Variants in NLRP14 observed in about 807,000 individuals in gnomAD.
The protein encoded by NLRP14 is NACHT, LRR and PYD domains-containing protein 14.
A neutral mutation model predicts 94.7 loss-of-function variants in NLRP14; 105 were observed. The observed-to-expected ratio is 1.11, with a 90% CI of 0.95 to 1.30. The LOEUF (loss-of-function observed/expected upper bound fraction) is 1.30, where lower values mean the gene tolerates loss of function less well. Among genes scored for constraint, NLRP14 ranks in the 50% most tolerant of loss-of-function variants. NLRP14 has a pLI of 0.00. For synonymous variants in NLRP14, 508 were observed against 459.9 expected, an observed-to-expected ratio of 1.10 and a Z score of -1.34; for missense variants, 1,362 against 1,254.1, an observed-to-expected ratio of 1.09 and a Z score of -1.30.
chr11:7,089,555 G>T, the NLRP14 span: 1 of 1,199,618 alleles, frequency 8.3e-7, no homozygotes. Context: ...CCAGGGCCCC[G>T]ATGCCCATGA....
At chr11:7,089,657 G>C in the NLRP14 span, 7 of 1,411,696 alleles carry the variant, frequency 5.0e-6, no homozygotes, top group African/African-American at 1.0e-4. Flanking sequence ...GAATGCGCGG[G>C]AGGGCCCTGG....
Position 7,058,527 on chromosome 11 carries a change from A to G in NLRP14, c.2633+77A>G, listed in dbSNP as rs1852557444. On this transcript the variant is annotated intron_variant, in intron 8 of 11. Coordinates refer to ENST00000299481, the MANE Select transcript of NLRP14 (RefSeq NM_176822.4). ...TGTTTAAAATAGTAAAATATTATGA[A>G]CACATTCTGTCCCTTGCTTTTTCCC... 5.4e-6 allele frequency: 6 copies of G among 1,107,982 alleles called. No individual in the cohort carries two copies. The East Asian group carries it at 1.3e-4, about 24-fold the overall frequency. 68.6% of individuals were successfully genotyped at this position (1,107,982 alleles called of 1,614,324 possible).
intron 7 of NLRP14, 65 bp from the exon 8 acceptor site, chr11:7,058,215 T>G: frequency 2.2e-6 from 3 of 1,385,458 alleles, no homozygotes; most frequent in Non-Finnish European, 3.1e-6. Flanking sequence ...GATTTCCCTG[T>G]GAAGGAGAAG....
the NLRP14 span, chr11:7,089,004 G>T: frequency 8.0e-7 from 1 of 1,246,712 alleles, no homozygotes; most frequent in South Asian, 1.4e-5. Context: ...CCGTGGACTC[G>T]GCGACTAGGC....
intron 8 of NLRP14, 106 bp from the exon 9 acceptor site, chr11:7,059,788 T>C: frequency 1.0e-6 from 1 of 968,852 alleles, no homozygotes; most frequent in Non-Finnish European, 1.6e-6. Context: ...TGAGATGGAA[T>C]GTTGGCAAAT....
intron 6 of NLRP14, among the ~76,000 whole-genome samples, chr11:7,057,402 T>C (rs1299926426): frequency 1.3e-5 from 2 of 152,154 alleles, no homozygotes; most frequent in East Asian, 3.9e-4. Context: ...GACTAAAAAA[T>C]ATTATCATTT....
the NLRP14 span, chr11:7,090,324 A>T: frequency 1.3e-6 from 2 of 1,564,484 alleles, no homozygotes; most frequent in African/African-American, 1.4e-5. Context: ...GGGACCAAAA[A>T]TCCCTTTTCA....
intron 10 of NLRP14, among the ~76,000 whole-genome samples, chr11:7,068,564 C>T (rs1039155096): frequency 6.6e-6 from 1 of 152,168 alleles, no homozygotes; most frequent in African/African-American, 2.4e-5. Context: ...TGAGAACATA[C>T]TGTGCATGAG....
At chr11:7,049,305 G>GTTGATGCTAC (rs1330206325) in intron 5 of NLRP14, among the ~76,000 whole-genome samples, 5 of 152,204 alleles carry the variant, frequency 3.3e-5, no homozygotes, top group Non-Finnish European at 7.3e-5. Flanking sequence ...ACATCAGACA[G>GTTGATGCTAC]TTGATGCTAA....
intron 1 of NLRP14, among the ~76,000 whole-genome samples, chr11:7,031,782 A>C (rs1045870915): frequency 6.6e-6 from 1 of 151,892 alleles, no homozygotes; most frequent in Non-Finnish European, 1.5e-5. Flanking sequence ...AACGAAACAA[A>C]CCGCCTGAAA....
rs545886008 is a variant in NLRP14, at chr11:7,045,593, A to G, written c.1959-1075A>G. Among the ~76,000 whole-genome samples, 4 of 152,258 alleles carry G rather than the reference A, an allele frequency of 2.6e-5. No homozygotes were observed. In the South Asian group the frequency reaches 6.2e-4, roughly 24 times the overall value. ...TGAATGCTTGAAAGAATAATTTATT[A>G]TCCTGTTTTTATAAATTTAAGACCT... On this transcript the variant is annotated intron_variant, in intron 4 of 11. Coordinates refer to ENST00000299481, the MANE Select transcript of NLRP14 (RefSeq NM_176822.4).
chr11:7,090,626 G>A, the NLRP14 span: 43 of 382,178 alleles, frequency 1.1e-4, no homozygotes, highest in African/African-American at 7.9e-4. Flanking sequence ...GAGGCAAACA[G>A]TTCTAAGATC....
rs370253823 is a variant in NLRP14, at chr11:7,047,763, C to CTTTTTTTTTTTTTTTTTTT, written c.2123+935_2123+936insTTTTTTTTTTTTTTTTTTT. On this transcript the variant is annotated intron_variant, in intron 5 of 11. Transcript: ENST00000299481. Reference sequence around the variant, plus strand: ...AATTTATCTTCTTTCTCTTTCTTTTCTTTTCTTTTTTTTTTTTGAGACAGT... The same window carrying CTTTTTTTTTTTTTTTTTTT: ...AATTTATCTTCTTTCTCTTTCTTTTCTTTTTTTTTTTTTTTTTTTTTTTCTTTTTTTTTTTTGAGACAGT... Among the ~76,000 whole-genome samples the CTTTTTTTTTTTTTTTTTTT allele has an allele frequency of 1.0e-4, 13 of 123,844 alleles. 5 individuals are homozygous for CTTTTTTTTTTTTTTTTTTT. Among genetic ancestry groups the CTTTTTTTTTTTTTTTTTTT allele is most frequent in the Non-Finnish European group, 1.5e-4 (9 of 60,740 alleles). 81.2% of individuals were successfully genotyped at this position (123,844 alleles called of 152,430 possible).
chr11:7,073,624 C>T (rs573865404), downstream of NLRP14, among the ~76,000 whole-genome samples: 2 of 152,284 alleles, frequency 1.3e-5, no homozygotes, highest in South Asian at 4.1e-4. Context: ...GTCAGGGTTC[C>T]CACAACTCTC....
intron 5 of NLRP14, among the ~76,000 whole-genome samples, chr11:7,048,473 G>A (rs1257372891): frequency 3.3e-5 from 5 of 152,140 alleles, no homozygotes; most frequent in African/African-American, 1.2e-4. Flanking sequence ...ACAAATGATA[G>A]ATCTTTGTTT....
downstream of NLRP14, among the ~76,000 whole-genome samples, chr11:7,076,276 A>G (rs1852872946): frequency 6.6e-6 from 1 of 152,224 alleles, no homozygotes; most frequent in Admixed American, 6.5e-5. Context: ...AAGGGTTTGC[A>G]ATTTTAAATA....
At chr11:7,033,406 G>A (rs527554135) in intron 1 of NLRP14, among the ~76,000 whole-genome samples, 93 of 152,136 alleles carry the variant, frequency 6.1e-4, no homozygotes, top group African/African-American at 2.1e-3. Context: ...GCATTACTAT[G>A]GTATATTTGT....
At chr11:7,071,138 A>G (rs375411052) in intron 11 of NLRP14, 35 bp from the exon 12 acceptor site, 16 of 1,613,192 alleles carry the variant, frequency 9.9e-6, no homozygotes, top group Non-Finnish European at 1.4e-5. Flanking sequence ...AGGGAAATTG[A>G]ATGCAGGAAA....
chr11:7,087,323 T>A, the NLRP14 span, among the ~76,000 whole-genome samples: 1 of 152,238 alleles, frequency 6.6e-6, no homozygotes, highest in African/African-American at 2.4e-5. Flanking sequence ...AAATTTACAT[T>A]TTCCTTTAAA....
Sources: gnomAD v4.1 joint callset for allele counts (sites outside exome capture counted in the v4.1 genomes callset) on GRCh38, gnomAD v4.1.1 for gene constraint, MANE v1.5 for transcripts, NCBI Gene and HGNC (gene_info 2026-07-23, HGNC 2026-07-21) for gene names.